UMAD1: variants seen among roughly 807,000 people sequenced by gnomAD.
UMAD1 encodes UBAP1-MVB12-associated (UMA)-domain containing protein 1.
Under a neutral mutation model 6.1 loss-of-function variants are expected in UMAD1, and 8 were observed. The ratio of observed to expected loss-of-function variants is 1.30; its 90% CI spans 0.76 to 2.35. The LOEUF (loss-of-function observed/expected upper bound fraction) is 2.35. UMAD1 is among the 30% of genes most tolerant of loss of function. UMAD1 has a pLI of 0.00. For missense variants in UMAD1, 130 were observed against 78.4 expected (o/e 1.66, Z -2.49); for synonymous variants, 56 against 31.4 (o/e 1.78, Z -2.61).
At chr7:7,670,493 C>T (rs973965635) in intron 1 of UMAD1, among the ~76,000 whole-genome samples, 3 of 152,120 alleles carry the variant, frequency 2.0e-5, no homozygotes, top group African/African-American at 7.2e-5. Flanking sequence ...GGTAAACAGC[C>T]CTAACGATTC....
intron 1 of UMAD1, among the ~76,000 whole-genome samples, chr7:7,653,556 A>T (rs1324080453): frequency 6.6e-6 from 1 of 152,250 alleles, no homozygotes; most frequent in Non-Finnish European, 1.5e-5. Flanking sequence ...TGCATCACGC[A>T]CTAGGTGATC....
chr7:7,721,552 A>T, intron 2 of UMAD1, among the ~76,000 whole-genome samples: 1 of 152,222 alleles, frequency 6.6e-6, no homozygotes, highest in Non-Finnish European at 1.5e-5. Context: ...GTTTCATAAA[A>T]TATGGAGGAG....
chr7:7,643,735 GAAAAAAA>G (rs869238725), intron 1 of UMAD1, among the ~76,000 whole-genome samples: 6 of 5,770 alleles, frequency 1.0e-3, no homozygotes, highest in East Asian at 9.8e-3. Flanking sequence ...ACAAACAAAC[GAAAAAAA>G]AAGGATCAAC....
chr7:7,771,161 A>T (rs1363085929), intron 2 of UMAD1, among the ~76,000 whole-genome samples: 1 of 151,186 alleles, frequency 6.6e-6, no homozygotes, highest in African/African-American at 2.4e-5. Flanking sequence ...GAGGACAAGG[A>T]TAATTGTATT....
rs1002625780 is a variant in UMAD1, at chr7:7,878,184, T to G, written c.*646T>G. The G allele has an allele frequency of 2.6e-5, 4 of 152,500 alleles. No homozygotes were observed. The highest frequency in any genetic ancestry group is 9.6e-5 in the African/African-American group (4 of 41,454). 9.4% of individuals were successfully genotyped at this position (152,500 alleles called of 1,614,324 possible). ...CTTTCCATCGTGAATAATCGTTGTG[T>G]TCCCACCTTTGTTCTCTGCCTTTTT... On this transcript the variant is annotated 3_prime_UTR_variant, in exon 4 of 4. Transcript: ENST00000682710.
intron 2 of UMAD1, chr7:7,686,138 G>T (rs999670369): frequency 6.6e-6 from 1 of 152,126 alleles, no homozygotes; most frequent in Non-Finnish European, 1.5e-5. Context: ...AGAATTGCTG[G>T]AATAATTATT....
At chr7:7,696,830 C>T (rs923152486) in intron 2 of UMAD1, among the ~76,000 whole-genome samples, 1 of 151,662 alleles carries the variant, frequency 6.6e-6, no homozygotes, top group Non-Finnish European at 1.5e-5. Context: ...CTCTCTTTTT[C>T]TTTCTTCTTC....
intron 2 of UMAD1, among the ~76,000 whole-genome samples, chr7:7,769,470 G>A (rs148225016): frequency 1.5e-4 from 23 of 152,142 alleles, no homozygotes; most frequent in African/African-American, 4.8e-4. Context: ...TTCTTCATGC[G>A]CCTTAGAGAG....
intron 3 of UMAD1, among the ~76,000 whole-genome samples, chr7:7,809,310 C>T (rs17138193): frequency 0.036 from 5,511 of 151,960 alleles, 342 homozygotes; most frequent in African/African-American, 0.13. Flanking sequence ...TTCTTTTGAG[C>T]TAGGTATGGA....
chr7:7,664,305 C>G (rs1009605866), intron 1 of UMAD1, among the ~76,000 whole-genome samples: 9 of 152,160 alleles, frequency 5.9e-5, no homozygotes, highest in African/African-American at 2.2e-4. Context: ...AGTCCCGTTT[C>G]AGTACAACTG....
chr7:7,816,919 A>T (rs1454264643), intron 3 of UMAD1, among the ~76,000 whole-genome samples: 1 of 152,184 alleles, frequency 6.6e-6, no homozygotes, highest in Non-Finnish European at 1.5e-5. Flanking sequence ...CTGACCATGT[A>T]GTTGCCTTAC....
At chr7:7,852,918 T>C (rs1783945192) in intron 3 of UMAD1, among the ~76,000 whole-genome samples, 1 of 152,220 alleles carries the variant, frequency 6.6e-6, no homozygotes, top group Admixed American at 6.5e-5. Flanking sequence ...CTCGCCTCTC[T>C]GTGCAGCATT....
intron 3 of UMAD1, among the ~76,000 whole-genome samples, chr7:7,839,792 A>T (rs374266193): frequency 6.6e-6 from 1 of 152,184 alleles, no homozygotes; most frequent in East Asian, 1.9e-4. Context: ...AGTTGCATGT[A>T]GGTTGGTAGG....
intron 3 of UMAD1, among the ~76,000 whole-genome samples, chr7:7,822,638 G>A (rs564346212): frequency 3.0e-4 from 46 of 152,180 alleles, no homozygotes; most frequent in Non-Finnish European, 4.0e-4. Flanking sequence ...AAAGGGTTCT[G>A]GAAGTAATAA....
At chr7:7,706,600 C>T (rs577507204) in intron 2 of UMAD1, among the ~76,000 whole-genome samples, 31 of 152,206 alleles carry the variant, frequency 2.0e-4, no homozygotes, top group African/African-American at 6.7e-4. Context: ...CATCCAAAGG[C>T]ACATACTAGT....
intron 3 of UMAD1, among the ~76,000 whole-genome samples, chr7:7,814,173 A>G (rs978509652): frequency 6.6e-6 from 1 of 151,904 alleles, no homozygotes; most frequent in Non-Finnish European, 1.5e-5. Flanking sequence ...TTTAGTAGAG[A>G]TGTATTTTCA....
intron 1 of UMAD1, among the ~76,000 whole-genome samples, chr7:7,656,777 G>A (rs1002298794): frequency 5.9e-5 from 9 of 152,052 alleles, no homozygotes; most frequent in Non-Finnish European, 7.4e-5. Context: ...ATAAACATAC[G>A]TGCGCATGTG....
intron 3 of UMAD1, among the ~76,000 whole-genome samples, chr7:7,805,261 G>A (rs924386529): frequency 2.6e-5 from 4 of 151,804 alleles, no homozygotes; most frequent in African/African-American, 7.3e-5. Context: ...TTGATACCTG[G>A]CCCCACCACC....
intron 1 of UMAD1, among the ~76,000 whole-genome samples, chr7:7,642,019 G>A (rs28916286): frequency 6.6e-6 from 1 of 152,128 alleles, no homozygotes; most frequent in Non-Finnish European, 1.5e-5. Flanking sequence ...GGTTGTATTG[G>A]TGCAAGTCAG....
Sources: gnomAD v4.1 joint callset for allele counts (sites outside exome capture counted in the v4.1 genomes callset) on GRCh38, gnomAD v4.1.1 for gene constraint, MANE v1.5 for transcripts, NCBI Gene and HGNC (gene_info 2026-07-23, HGNC 2026-07-21) for gene names.